The following AQR variants were observed in gnomAD, a reference collection of about 807,000 sequenced individuals.
AQR encodes aquarius intron-binding spliceosomal factor, also known as RNA helicase aquarius.
AQR carries 61 observed loss-of-function variants against 180.5 expected under a neutral mutation model. That is an observed-to-expected ratio of 0.34 (90% CI 0.28 to 0.42). The LOEUF (loss-of-function observed/expected upper bound fraction) is 0.42, where lower values mean the gene tolerates loss of function less well. AQR is among the 10% of genes least tolerant of loss of function. The probability of loss-of-function intolerance (pLI) is 1.00; values close to 1 mark genes in which losing one functional copy is unlikely to be tolerated. For synonymous variants in AQR, 551 were observed against 588.8 expected, an observed-to-expected ratio of 0.94 and a Z score of 0.93; for missense variants, 1,281 against 1,798.3, an observed-to-expected ratio of 0.71 and a Z score of 5.20.
chr15:34,903,218 G>A (rs1893359544), intron 19 of AQR, among the ~76,000 whole-genome samples: 1 of 152,162 alleles, frequency 6.6e-6, no homozygotes, highest in Admixed American at 6.5e-5. Flanking sequence ...CTGACATGGA[G>A]TGAATAGGAA....
chr15:34,863,231 T>C, intron 32 of AQR, 190 bp from the exon 33 acceptor site: 1 of 516,630 alleles, frequency 1.9e-6, no homozygotes, highest in Non-Finnish European at 3.3e-6. Flanking sequence ...TAAGGCTTTA[T>C]TACTAACCTC....
intron 3 of AQR, among the ~76,000 whole-genome samples, chr15:34,957,463 T>A (rs1244939455): frequency 6.6e-6 from 1 of 151,996 alleles, no homozygotes; most frequent in Non-Finnish European, 1.5e-5. Flanking sequence ...TCCCAGCACT[T>A]TGGGAGGCCG....
chr15:34,960,260 C>T lies in AQR; in HGVS notation c.173+514G>A, dbSNP rs1336190373. Reference sequence around the variant, plus strand: ...TTGTGTTTGAAAAAACATGTGAAGGCGTGGGGAATAGAACAGATGTATATG... The same window carrying T: ...TTGTGTTTGAAAAAACATGTGAAGGTGTGGGGAATAGAACAGATGTATATG... On this transcript the variant is annotated intron_variant, in intron 3 of 34. Transcript: ENST00000156471. Among the ~76,000 whole-genome samples, 4 of 152,104 alleles carry T rather than the reference C, an allele frequency of 2.6e-5. No homozygotes were observed. The East Asian group carries it at 7.7e-4, about 29-fold the overall frequency.
chr15:34,857,686 G>A (rs1892607712), intron 34 of AQR, among the ~76,000 whole-genome samples: 1 of 152,122 alleles, frequency 6.6e-6, no homozygotes, highest in Non-Finnish European at 1.5e-5. Flanking sequence ...GTGAGTTGGA[G>A]GTTGCAGTGA....
chr15:34,916,316 T>G (rs909500270), intron 15 of AQR, among the ~76,000 whole-genome samples: 4 of 152,180 alleles, frequency 2.6e-5, no homozygotes, highest in Admixed American at 2.0e-4. Flanking sequence ...TTTTCATTAT[T>G]CTCACTTAAC....
At chr15:34,876,320 T>C (rs1426750408) in intron 27 of AQR, among the ~76,000 whole-genome samples, 2 of 152,208 alleles carry the variant, frequency 1.3e-5, no homozygotes, top group Non-Finnish European at 2.9e-5. Flanking sequence ...ATTTAGTTCT[T>C]TATTTCTACA....
Position 34,858,121 on chromosome 15 carries a change from T to C in AQR, c.4144-1015A>G, listed in dbSNP as rs142711324. 2.4e-3 allele frequency among the ~76,000 whole-genome samples: 372 copies of C among 152,026 alleles called. 2 individuals are homozygous for C. The highest frequency in any genetic ancestry group is 6.8e-3 in the Middle Eastern group (2 of 294). ...GCCTCAGCCTCCCAAGTAGCTGGGA[T>C]TACAGACATGTACCACCATGCCTGG... On this transcript the variant is annotated intron_variant, in intron 34 of 34. Transcript: ENST00000156471.
At chr15:34,862,536 T>C (rs543411624) in intron 33 of AQR, among the ~76,000 whole-genome samples, 1 of 152,282 alleles carries the variant, frequency 6.6e-6, no homozygotes, top group Non-Finnish European at 1.5e-5. Context: ...CCACTAAATG[T>C]TGGCTGACAT....
chr15:34,894,270 C>T (rs538183155), intron 22 of AQR, among the ~76,000 whole-genome samples: 2 of 151,902 alleles, frequency 1.3e-5, no homozygotes, highest in Non-Finnish European at 2.9e-5. Context: ...AAAAATGATG[C>T]ATTACATATT....
chr15:34,915,015 A>T, intron 16 of AQR, 23 bp downstream of exon 16: 1 of 1,586,364 alleles, frequency 6.3e-7, no homozygotes, highest in Non-Finnish European at 8.5e-7. Flanking sequence ...TCTCTTCATT[A>T]CAGGTGGAAC....
At chr15:34,939,109 C>T (rs929642556) in intron 8 of AQR, among the ~76,000 whole-genome samples, 44 of 152,286 alleles carry the variant, frequency 2.9e-4, no homozygotes, top group African/African-American at 1.0e-3. Context: ...CGCTCTGTTG[C>T]CCAGGCTGGA....
At chr15:34,964,493 T>G in intron 1 of AQR, 1 of 672,482 alleles carries the variant, frequency 1.5e-6, no homozygotes, top group Non-Finnish European at 2.8e-6. Context: ...TGCTTTGCAC[T>G]ACAACATGCC....
At position 34,887,553 on chromosome 15, in the gene AQR, C is replaced by G. The variant is rs866627898; in HGVS notation, c.2682-892G>C. On this transcript the variant is annotated intron_variant, in intron 24 of 34. Coordinates refer to ENST00000156471, the MANE Select transcript of AQR (RefSeq NM_014691.3). Reference sequence around the variant, plus strand: ...ACTGAAGTTTGGAGAGTACCTTGTCCGAAAACACACAGTTAGGGAAGAAAG... The same window carrying G: ...ACTGAAGTTTGGAGAGTACCTTGTCGGAAAACACACAGTTAGGGAAGAAAG... Among the ~76,000 whole-genome samples the G allele has an allele frequency of 2.0e-5, 3 of 152,094 alleles. No individual in the cohort carries two copies. In the South Asian group the frequency reaches 6.2e-4, roughly 32 times the overall value.
chr15:34,868,083 G>A, intron 31 of AQR: 1 of 156,772 alleles, frequency 6.4e-6, no homozygotes, highest in Non-Finnish European at 1.4e-5. Flanking sequence ...GAAAATATAT[G>A]TACATGGGAG....
At chr15:34,913,954 A>G (rs183766824) in intron 16 of AQR, among the ~76,000 whole-genome samples, 17 of 152,338 alleles carry the variant, frequency 1.1e-4, no homozygotes, top group African/African-American at 4.1e-4. Flanking sequence ...TTTTCACATA[A>G]CAATTAATTA....
rs549416239 is a variant in AQR, at chr15:34,881,300, G to T, written c.3165+1202C>A. On this transcript the variant is annotated intron_variant, in intron 27 of 34. Transcript: ENST00000156471. ...ATTGTCGTATTTGTCCTACCTTGCA[G>T]CTGAGGAACCTTGCATCCAAGATAA... Among the ~76,000 whole-genome samples the T allele has an allele frequency of 9.9e-5, 15 of 152,202 alleles. No individual in the cohort carries two copies. The South Asian group carries it at 2.9e-3, about 29-fold the overall frequency.
At chr15:34,863,296 G>A (rs1054127114) in intron 32 of AQR, 2 of 318,520 alleles carry the variant, frequency 6.3e-6, no homozygotes, top group Non-Finnish European at 1.2e-5. Context: ...TTATTAAAAA[G>A]GTCTAAGTAA....
At chr15:34,894,984 G>C (rs1252188843) in intron 22 of AQR, among the ~76,000 whole-genome samples, 1 of 150,490 alleles carries the variant, frequency 6.6e-6, no homozygotes, top group Non-Finnish European at 1.5e-5. Flanking sequence ...GGCCAACACA[G>C]TGAAACCCAA....
In AQR at chr15:34,936,321, C is replaced by A. The variant is rs146500772; in HGVS notation, c.719-1686G>T. Among the ~76,000 whole-genome samples the A allele has an allele frequency of 2.7e-3, 404 of 152,326 alleles. 2 individuals carry two copies. The highest frequency in any genetic ancestry group is 9.0e-3 in the African/African-American group (376 of 41,570). Reference sequence around the variant, plus strand: ...TTCTGTTTCCTAACTACACAACCATCTATCTTCATACCCATTCTGAACTGG... The same window carrying A: ...TTCTGTTTCCTAACTACACAACCATATATCTTCATACCCATTCTGAACTGG... On this transcript the variant is annotated intron_variant, in intron 9 of 34. Coordinates refer to ENST00000156471, the MANE Select transcript of AQR (RefSeq NM_014691.3).
Sources: gnomAD v4.1 joint callset for allele counts (sites outside exome capture counted in the v4.1 genomes callset) on GRCh38, gnomAD v4.1.1 for gene constraint, MANE v1.5 for transcripts, NCBI Gene and HGNC (gene_info 2026-07-23, HGNC 2026-07-21) for gene names.